HYDIN: variants seen among roughly 807,000 people sequenced by gnomAD.
The protein encoded by HYDIN is HYDIN axonemal central pair apparatus protein.
A neutral mutation model predicts 403.9 loss-of-function variants in HYDIN; 132 were observed. The ratio of observed to expected loss-of-function variants is 0.33; its 90% CI spans 0.28 to 0.38. The LOEUF (loss-of-function observed/expected upper bound fraction) is 0.38. Ranked by LOEUF, HYDIN falls within the 10% of genes least tolerant of loss-of-function variation. HYDIN has a pLI of 1.00. For synonymous variants in HYDIN, 1,202 were observed against 1,891.7 expected, an observed-to-expected ratio of 0.64 and a Z score of 9.46; for missense variants, 2,827 against 5,009.5, an observed-to-expected ratio of 0.56 and a Z score of 13.15.
At chr16:71,190,856 G>C (rs552207828) in intron 1 of HYDIN, among the ~76,000 whole-genome samples, 1 of 152,324 alleles carries the variant, frequency 6.6e-6, no homozygotes, top group East Asian at 1.9e-4. Context: ...GCAGGAGATA[G>C]AGGGAAAGAG....
chr16:70,817,916 A>G (rs2035949570), intron 84 of HYDIN, among the ~76,000 whole-genome samples: 1 of 151,876 alleles, frequency 6.6e-6, no homozygotes, highest in Non-Finnish European at 1.5e-5. Flanking sequence ...TAATTTTTGT[A>G]TTTTTAGTAG....
intron 5 of HYDIN, among the ~76,000 whole-genome samples, chr16:71,171,215 T>G (rs1297274842): frequency 6.6e-6 from 1 of 152,188 alleles, no homozygotes; most frequent in South Asian, 2.1e-4. Context: ...TAGACAGCCC[T>G]TCCCTCAGAT....
At chr16:70,835,398 T>C (rs2143523883) in intron 78 of HYDIN, among the ~76,000 whole-genome samples, 1 of 152,180 alleles carries the variant, frequency 6.6e-6, no homozygotes, top group South Asian at 2.1e-4. Context: ...ACAACGGAGA[T>C]GTAAATAAAC....
At chr16:70,938,387 C>T (rs528145087) in intron 44 of HYDIN, among the ~76,000 whole-genome samples, 9 of 152,336 alleles carry the variant, frequency 5.9e-5, no homozygotes, top group South Asian at 2.1e-4. Flanking sequence ...CCCAAATGCC[C>T]GCCAGTGAGA....
At position 70,806,901 on chromosome 16, in the gene HYDIN, C is replaced by T. The variant is rs2035130996; in HGVS notation, c.*679G>A. Among the ~76,000 whole-genome samples the T allele has an allele frequency of 6.6e-6, 1 of 152,174 alleles. No individual in the cohort carries two copies. The highest frequency in any genetic ancestry group is 2.4e-5 in the African/African-American group (1 of 41,432). On this transcript the variant is annotated 3_prime_UTR_variant, in exon 86 of 86. Transcript: ENST00000393567. ...AGATGGGTTGAGAATCCCTGCTCTCCTGCTGAATGCTATCCAAGGCGGGGT... is the reference window on the plus strand; with the variant it reads ...AGATGGGTTGAGAATCCCTGCTCTCTTGCTGAATGCTATCCAAGGCGGGGT...
chr16:71,106,222 C>G (rs1230067249), intron 10 of HYDIN, among the ~76,000 whole-genome samples: 1 of 151,556 alleles, frequency 6.6e-6, no homozygotes, highest in African/African-American at 2.4e-5. Context: ...TAAGAACTTG[C>G]AATTCTTTGC....
chr16:71,026,780 G>C (rs2080717802), intron 20 of HYDIN, among the ~76,000 whole-genome samples: 1 of 152,198 alleles, frequency 6.6e-6, no homozygotes, highest in African/African-American at 2.4e-5. Flanking sequence ...CCTTAGAGAA[G>C]CTAAGCAAGG....
At chr16:70,866,713 T>C (rs557933509) in intron 66 of HYDIN, among the ~76,000 whole-genome samples, 155 of 151,712 alleles carry the variant, frequency 1.0e-3, no homozygotes, top group Middle Eastern at 3.4e-3. Flanking sequence ...CTTGATGATA[T>C]TAAAATTAAT....
Position 70,907,397 on chromosome 16 carries a change from G to A in HYDIN, c.8491C>T (p.Leu2831=). The A allele has an allele frequency of 3.3e-6, 2 of 603,848 alleles. No individual in the cohort carries two copies. Among genetic ancestry groups the A allele is most frequent in the South Asian group, 4.0e-5 (2 of 50,166 alleles). 37.4% of individuals were successfully genotyped at this position (603,848 alleles called of 1,614,324 possible). A position where few individuals can be genotyped will look rare whatever the true frequency, so the allele number is the denominator to read the frequency against. Residue 2831 remains leucine, a synonymous_variant, in exon 50 of 86, where the codon CTA becomes TTA. Coordinates refer to ENST00000393567, the MANE Select transcript of HYDIN (RefSeq NM_001270974.2). ...MSTETYYFGP[L]LCGKSRDKYK... ...TTATCTCTTGATTTTCCACAAAGTA[G>A]TGGCCCAAAGTAGTACGTCTCCGTG... is the stretch of plus-strand genomic sequence containing the variant.
At chr16:71,085,807 T>C in intron 12 of HYDIN, among the ~76,000 whole-genome samples, 1 of 152,246 alleles carries the variant, frequency 6.6e-6, no homozygotes, top group Admixed American at 6.5e-5. Context: ...ATGGTGTATA[T>C]ATTTCCATCC....
At chr16:71,037,240 C>G (rs1020533594) in intron 18 of HYDIN, among the ~76,000 whole-genome samples, 1 of 144,418 alleles carries the variant, frequency 6.9e-6, no homozygotes, top group Non-Finnish European at 1.5e-5. Flanking sequence ...GGGCACAAAG[C>G]AAGTCCTCAA....
chr16:71,034,728 T>C (rs1048621373), intron 18 of HYDIN, among the ~76,000 whole-genome samples: 2 of 151,290 alleles, frequency 1.3e-5, no homozygotes, highest in Admixed American at 6.6e-5. Context: ...AAGAAGAACA[T>C]TTTTCAAGGT....
intron 1 of HYDIN, among the ~76,000 whole-genome samples, chr16:71,214,675 G>A (rs2088781115): frequency 6.6e-6 from 1 of 152,238 alleles, no homozygotes; most frequent in African/African-American, 2.4e-5. Flanking sequence ...GAGACAGACA[G>A]AAATTAGTGC....
intron 44 of HYDIN, among the ~76,000 whole-genome samples, chr16:70,938,156 G>T (rs1228711953): frequency 1.3e-5 from 2 of 152,024 alleles, no homozygotes; most frequent in African/African-American, 2.4e-5. Flanking sequence ...GACCCAGGCA[G>T]GGGGAGGAAG....
At chr16:71,065,116 C>A (rs2082218307) in intron 15 of HYDIN, among the ~76,000 whole-genome samples, 1 of 152,252 alleles carries the variant, frequency 6.6e-6, no homozygotes, top group African/African-American at 2.4e-5. Flanking sequence ...ATTTGGCCTT[C>A]TTTGGGCAAG....
chr16:70,992,227 C>G lies in HYDIN; in HGVS notation c.3645-17G>C, dbSNP rs2079379343. The G allele has an allele frequency of 3.2e-6, 5 of 1,541,572 alleles. No homozygotes were observed. The South Asian group carries it at 6.3e-5, about 19-fold the overall frequency. On this transcript the variant is annotated splice_polypyrimidine_tract_variant and intron_variant, in intron 23 of 85. Coordinates refer to ENST00000393567, the MANE Select transcript of HYDIN (RefSeq NM_001270974.2). ...GTCACAAACCTACCAAAGCATGGGACAGGGAATAGGGGGAGACAGGAGACA... is the reference window on the plus strand; with the variant it reads ...GTCACAAACCTACCAAAGCATGGGAGAGGGAATAGGGGGAGACAGGAGACA...
chr16:70,803,170 T>A lies in HYDIN; in HGVS notation c.*4410A>T, dbSNP rs1012796898. 1.9e-4 allele frequency among the ~76,000 whole-genome samples: 29 copies of A among 152,222 alleles called. No homozygotes were observed. The highest frequency in any genetic ancestry group is 7.3e-5 in the Non-Finnish European group (5 of 68,032). ...TTCAAACAATAAGGAATTTTTTTTT[T>A]ACCAGAAGTATTCTTTTCTCCTGAA... On this transcript the variant is annotated 3_prime_UTR_variant, in exon 86 of 86. Coordinates refer to ENST00000393567, the MANE Select transcript of HYDIN (RefSeq NM_001270974.2).
At chr16:71,028,314 T>C (rs939718262) in intron 19 of HYDIN, among the ~76,000 whole-genome samples, 12 of 152,096 alleles carry the variant, frequency 7.9e-5, no homozygotes, top group Admixed American at 7.2e-4. Context: ...AGAAAAACCA[T>C]GCATATTCTC....
intron 1 of HYDIN, among the ~76,000 whole-genome samples, chr16:71,202,280 T>G (rs2144708961): frequency 6.6e-6 from 1 of 152,364 alleles, no homozygotes; most frequent in East Asian, 1.9e-4. Context: ...TTCTTATGAA[T>G]GCTATGCAAT....
Sources: allele counts gnomAD v4.1 joint callset (sites outside exome capture counted in the v4.1 genomes callset), GRCh38; gene constraint gnomAD v4.1.1; transcripts MANE v1.5; gene names NCBI Gene and HGNC (gene_info 2026-07-23, HGNC 2026-07-21).